The following CFAP58 variants were observed in gnomAD, a reference collection of about 807,000 sequenced individuals.
CFAP58 encodes the protein cilia- and flagella-associated protein 58.
In CFAP58, 88 loss-of-function variants were observed where a neutral mutation model predicts 119.5. That is an observed-to-expected ratio of 0.74 (90% CI 0.62 to 0.88). The LOEUF (loss-of-function observed/expected upper bound fraction) is 0.88, where lower values mean the gene tolerates loss of function less well. CFAP58 is among the 40% of genes least tolerant of loss of function. The probability of loss-of-function intolerance (pLI) is 0.00; values close to 1 mark genes in which losing one functional copy is unlikely to be tolerated. For missense variants in CFAP58, 990 were observed against 1,021.2 expected, an observed-to-expected ratio of 0.97 and a Z score of 0.42; for synonymous variants, 365 against 366.3, an observed-to-expected ratio of 1.00 and a Z score of 0.04.
chr10:104,343,798 G>A, the CFAP58 span, among the ~76,000 whole-genome samples: 4 of 152,134 alleles, frequency 2.6e-5, no homozygotes, highest in African/African-American at 4.8e-5. Context: ...TTGCTCAGGC[G>A]GGAGTGACGG....
chr10:104,446,656 ATG>A (rs1172239263), intron 15 of CFAP58, among the ~76,000 whole-genome samples: 4 of 152,258 alleles, frequency 2.6e-5, no homozygotes, highest in Admixed American at 6.5e-5. Flanking sequence ...AAGGAAATAA[ATG>A]TGTACAGAGA....
At chr10:104,352,314 G>T (rs1195917615), upstream of CFAP58, among the ~76,000 whole-genome samples, 4 of 152,178 alleles carry the variant, frequency 2.6e-5, no homozygotes, top group African/African-American at 9.7e-5. Context: ...ATCTTAAAGT[G>T]CTTGGTAAGT....
At chr10:104,355,643 A>C (rs543314658) in intron 1 of CFAP58, among the ~76,000 whole-genome samples, 1 of 152,216 alleles carries the variant, frequency 6.6e-6, no homozygotes, top group East Asian at 1.9e-4. Context: ...CATAGCAAAC[A>C]ATCAGTGAAT....
At chr10:104,427,290 T>C (rs1296311809) in intron 15 of CFAP58, among the ~76,000 whole-genome samples, 2 of 152,216 alleles carry the variant, frequency 1.3e-5, no homozygotes, top group Non-Finnish European at 2.9e-5. Context: ...TCTCAGTTTA[T>C]AAAACCAGTT....
At chr10:104,414,120 A>C (rs916838285) in intron 15 of CFAP58, among the ~76,000 whole-genome samples, 1 of 152,170 alleles carries the variant, frequency 6.6e-6, no homozygotes, top group African/African-American at 2.4e-5. Context: ...AGTCCTAGGA[A>C]GTATCCCTAG....
At chr10:104,424,414 C>T (rs1453240785) in intron 15 of CFAP58, among the ~76,000 whole-genome samples, 2 of 152,112 alleles carry the variant, frequency 1.3e-5, no homozygotes, top group East Asian at 1.9e-4. Flanking sequence ...ATCCTTTTGT[C>T]CTGCACACCT....
intron 17 of CFAP58, among the ~76,000 whole-genome samples, chr10:104,451,056 A>C (rs2013187995): frequency 6.6e-6 from 1 of 152,126 alleles, no homozygotes; most frequent in Non-Finnish European, 1.5e-5. Flanking sequence ...CCAGGGTGAA[A>C]ATCGGGGCCC....
intron 15 of CFAP58, among the ~76,000 whole-genome samples, chr10:104,432,806 G>A (rs1401322200): frequency 6.6e-6 from 1 of 152,134 alleles, no homozygotes; most frequent in African/African-American, 2.4e-5. Flanking sequence ...CGGCCAGTAG[G>A]CACTTTTATA....
intron 7 of CFAP58, among the ~76,000 whole-genome samples, chr10:104,371,953 A>G (rs975240715): frequency 1.3e-5 from 2 of 152,206 alleles, no homozygotes; most frequent in Non-Finnish European, 2.9e-5. Flanking sequence ...ATGAGACAAC[A>G]TACGTAAAAG....
chr10:104,368,353 C>T lies in CFAP58; in HGVS notation c.793-70C>T, dbSNP rs111505544. 4.8e-5 allele frequency: 73 copies of T among 1,512,852 alleles called. No individual in the cohort carries two copies. In the African/African-American group the frequency reaches 5.7e-4, roughly 12 times the overall value. The allele number at this position is 1,512,852 out of a possible 1,614,324, so 93.7% of individuals were successfully genotyped here. ...TATCTTCCCAGGAGGTTTGTGGGGC[C>T]CCCTGTGTGTATATCCAACTATTGT... On this transcript the variant is annotated intron_variant, in intron 5 of 17. Transcript: ENST00000369704.
At chr10:104,384,354 A>G (rs767061639) in intron 9 of CFAP58, among the ~76,000 whole-genome samples, 7 of 152,226 alleles carry the variant, frequency 4.6e-5, no homozygotes, top group African/African-American at 9.7e-5. Flanking sequence ...TGGATCTGCC[A>G]CCACCCTAGG....
chr10:104,428,394 C>G (rs2012786416), intron 15 of CFAP58, among the ~76,000 whole-genome samples: 3 of 152,090 alleles, frequency 2.0e-5, no homozygotes, highest in African/African-American at 7.2e-5. Context: ...AGACATTTGA[C>G]TATGAAACAT....
chr10:104,413,897 T>C (rs1304560459), intron 15 of CFAP58, among the ~76,000 whole-genome samples: 2 of 152,322 alleles, frequency 1.3e-5, no homozygotes, highest in African/African-American at 4.8e-5. Flanking sequence ...TAAAACATGA[T>C]GAACACTCAG....
chr10:104,362,107 G>GA lies in CFAP58; in HGVS notation c.379dup (p.Ile127AsnfsTer20). 3.1e-6 allele frequency: 5 copies of GA among 1,614,126 alleles called. No homozygotes were observed. The South Asian group carries it at 5.5e-5, about 18-fold the overall frequency. ...GGAGACGATTCTTGCTCTGAAAGAG[G>GA]AAATAGTGAACCTGACCAAACTAGT... On this transcript the variant is annotated frameshift_variant, in exon 3 of 18. Coordinates refer to ENST00000369704, the MANE Select transcript of CFAP58 (RefSeq NM_001008723.2). LOFTEE classifies it high-confidence loss of function.
intron 6 of CFAP58, 48 bp downstream of exon 6, chr10:104,368,608 C>CAGGCCTAACAAGGCCA: frequency 1.2e-6 from 2 of 1,605,604 alleles, no homozygotes; most frequent in Non-Finnish European, 1.7e-6. Context: ...CTTCCTAACA[C>CAGGCCTAACAAGGCCA]AGGTTTGCCT....
intron 15 of CFAP58, among the ~76,000 whole-genome samples, chr10:104,430,108 AG>A: frequency 6.6e-6 from 1 of 152,298 alleles, no homozygotes; most frequent in South Asian, 2.1e-4. Flanking sequence ...TGGTGAGGGA[AG>A]GGGGGTTTTA....
At chr10:104,345,941 C>T in the CFAP58 span, among the ~76,000 whole-genome samples, 6 of 152,000 alleles carry the variant, frequency 3.9e-5, no homozygotes, top group East Asian at 5.8e-4. Context: ...TGTTCATCTG[C>T]TTGTATTGCT....
upstream of CFAP58, among the ~76,000 whole-genome samples, chr10:104,352,539 G>C (rs2014472657): frequency 6.6e-6 from 1 of 152,236 alleles, no homozygotes; most frequent in Admixed American, 6.5e-5. Flanking sequence ...CAGTTTTTCA[G>C]CCTCCATTGC....
upstream of CFAP58, among the ~76,000 whole-genome samples, chr10:104,349,642 G>A (rs1214370776): frequency 6.6e-6 from 1 of 152,220 alleles, no homozygotes; most frequent in Non-Finnish European, 1.5e-5. Flanking sequence ...TGAAGAAGAC[G>A]TGCATCATCT....
Sources: gnomAD v4.1 joint callset for allele counts (sites outside exome capture counted in the v4.1 genomes callset) on GRCh38, gnomAD v4.1.1 for gene constraint, MANE v1.5 for transcripts, NCBI Gene and HGNC (gene_info 2026-07-23, HGNC 2026-07-21) for gene names.